Variants in COL6A6 observed in about 807,000 individuals in gnomAD.
COL6A6 encodes collagen type VI alpha 6 chain, also known as collagen alpha-6(VI) chain.
A neutral mutation model predicts 208.6 loss-of-function variants in COL6A6; 183 were observed. The observed-to-expected ratio is 0.88, with a 90% CI of 0.78 to 0.99. The LOEUF is 0.99. Among genes scored for constraint, COL6A6 ranks in the 50% least tolerant of loss-of-function variants. The pLI, the probability that COL6A6 is intolerant of heterozygous loss-of-function variation, is 0.00. For missense variants in COL6A6, 2,816 were observed against 2,815.2 expected, an observed-to-expected ratio of 1.00 and a Z score of -0.01; for synonymous variants, 973 against 1,011.8, an observed-to-expected ratio of 0.96 and a Z score of 0.73.
rs537199703 is a variant in COL6A6 at position 130,517,677 on chromosome 3, G to A, written c.-32+280G>A. 2.0e-5 allele frequency among the ~76,000 whole-genome samples: 3 copies of A among 152,314 alleles called. No homozygotes were observed. In the East Asian group the frequency reaches 5.8e-4, roughly 29 times the overall value. On this transcript the variant is annotated intron_variant, in intron 1 of 36. Transcript: ENST00000358511. ...CTTGTCATTCTCTGCTCCCATCTCC[G>A]CGTCTCCCACCGCGCACCAGGGCGC...
chr3:130,586,731 T>A, intron 11 of COL6A6, 71 bp downstream of exon 11: 1 of 1,415,484 alleles, frequency 7.1e-7, no homozygotes, highest in Non-Finnish European at 9.5e-7. Context: ...ATACTTATGC[T>A]TAAGAATTTG....
chr3:130,617,131 T>C (rs1280946106), intron 23 of COL6A6, among the ~76,000 whole-genome samples: 1 of 152,202 alleles, frequency 6.6e-6, no homozygotes, highest in Admixed American at 6.5e-5. Flanking sequence ...TTCATCATTC[T>C]GTATAAGCTA....
At chr3:130,599,675 C>A in intron 19 of COL6A6, 82 bp from the exon 20 acceptor site, 1 of 1,415,204 alleles carries the variant, frequency 7.1e-7, no homozygotes, top group Non-Finnish European at 9.9e-7. Context: ...ATCTATCCTC[C>A]CTGGAGTAAA....
chr3:130,574,272 A>T lies in COL6A6; in HGVS notation c.3294A>T (p.Ile1098=). Residue 1098 remains isoleucine (I), a synonymous_variant, in exon 8 of 37, where the codon ATA becomes ATT. Transcript: ENST00000358511. Reference sequence around the variant, plus strand: ...TCAGGCCAGACATGGGCAGCAGGATAAATACAGGTACCCCACAGGTGCTGC... The same window carrying T: ...TCAGGCCAGACATGGGCAGCAGGATTAATACAGGTACCCCACAGGTGCTGC... ...HYFRPDMGSR[I]NTGTPQVLLV... is the part of the protein sequence containing the mutation. The T allele has an allele frequency of 6.2e-7, 1 of 1,614,018 alleles. No individual in the cohort carries two copies. The highest frequency in any genetic ancestry group is 1.3e-5 in the African/African-American group (1 of 75,072).
At chr3:130,595,304 A>T (rs1220176344) in intron 18 of COL6A6, among the ~76,000 whole-genome samples, 1 of 152,224 alleles carries the variant, frequency 6.6e-6, no homozygotes, top group Non-Finnish European at 1.5e-5. Context: ...TTAATGAATT[A>T]AGATTTAGCT....
intron 13 of COL6A6, among the ~76,000 whole-genome samples, 157 bp downstream of exon 13, chr3:130,591,251 G>A (rs1011279789): frequency 2.6e-5 from 4 of 152,166 alleles, no homozygotes; most frequent in African/African-American, 9.7e-5. Context: ...CTTTGCTTCT[G>A]GTGGTCATTA....
chr3:130,676,794 C>T lies in COL6A6; in HGVS notation c.*1397C>T, dbSNP rs1237758974. On this transcript the variant is annotated 3_prime_UTR_variant, in exon 37 of 37. Transcript: ENST00000358511. ...AGGAGTTAAATGTCACATTCATACT[C>T]AGGTAATAGAGAAGAATAAAACACA... 2 of 152,198 alleles carry T rather than the reference C, an allele frequency of 1.3e-5. No individual in the cohort carries two copies. The highest frequency in any genetic ancestry group is 4.8e-5 in the African/African-American group (2 of 41,462). The allele number at this position is 152,198 out of a possible 1,614,324, so 9.4% of individuals were successfully genotyped here. A position where few individuals can be genotyped will look rare whatever the true frequency, so the allele number is the denominator to read the frequency against.
At chr3:130,570,202 T>C (rs2063126904) in intron 6 of COL6A6, among the ~76,000 whole-genome samples, 1 of 152,228 alleles carries the variant, frequency 6.6e-6, no homozygotes, top group Admixed American at 6.5e-5. Context: ...AATAGCATCA[T>C]GCTAGAACAG....
rs2062993465 is a variant in COL6A6 at position 130,565,390 on chromosome 3, T to C, written c.1058T>C (p.Val353Ala). ...DSEDNVTKAA[V>A]NLRREGVTIF... ...GAAGACAACGTGACAAAAGCAGCTG[T>C]TAACCTCCGACGGGAGGGTGTGACC... Residue 353 changes from valine to alanine, a missense_variant, in exon 4 of 37, where the codon GTT becomes GCT. By Grantham distance (64) the Val-to-Ala change is moderately conservative (BLOSUM62 0). Coordinates refer to ENST00000358511, the MANE Select transcript of COL6A6 (RefSeq NM_001102608.3). The C allele has an allele frequency of 1.2e-6, 2 of 1,613,284 alleles. No homozygotes were observed. The highest frequency in any genetic ancestry group is 4.5e-5 in the East Asian group (2 of 44,816).
chr3:130,550,083 A>G (rs1455135383), intron 1 of COL6A6, among the ~76,000 whole-genome samples: 1 of 151,954 alleles, frequency 6.6e-6, no homozygotes. Flanking sequence ...GAGTGGGATC[A>G]TGTTCTTGAT....
At chr3:130,590,140 G>T (rs2063638612) in intron 12 of COL6A6, 1 of 295,188 alleles carries the variant, frequency 3.4e-6, no homozygotes, top group Non-Finnish European at 6.7e-6. Context: ...GTGTTGACTT[G>T]AATGTTTAGA....
intron 17 of COL6A6, 25 bp downstream of exon 17, chr3:130,593,277 TA>T: frequency 1.9e-6 from 3 of 1,573,742 alleles, no homozygotes; most frequent in Non-Finnish European, 2.6e-6. Context: ...AGGAAGAACA[TA>T]AAAATTGTAC....
In COL6A6 at chr3:130,594,316, TG is replaced by T. The variant is rs1402770229; in HGVS notation, c.4508del (p.Gly1503GlufsTer18). The T allele has an allele frequency of 9.3e-6, 15 of 1,613,424 alleles. No individual in the cohort carries two copies. In the East Asian group the frequency reaches 3.3e-4, roughly 36 times the overall value. On this transcript the variant is annotated frameshift_variant, in exon 18 of 37. Transcript: ENST00000358511. LOFTEE classifies it high-confidence loss of function. ...PGKRGTPGDRGAKGLRGDPGA... is the reference protein window; with the variant it reads ...PGKRGTPGDRXAKGLRGDPGA... Reference sequence around the variant, plus strand: ...GGAAGAGAGGGACTCCTGGTGACCGTGGAGCAAAGGGCCTGCGAGGGGATCC... The same window carrying T: ...GGAAGAGAGGGACTCCTGGTGACCGTGAGCAAAGGGCCTGCGAGGGGATCC...
intron 26 of COL6A6, 62 bp downstream of exon 26, chr3:130,627,431 G>A: frequency 6.7e-7 from 1 of 1,481,792 alleles, no homozygotes; most frequent in South Asian, 1.1e-5. Context: ...GGTTTTGTTT[G>A]CCACATTTAA....
At chr3:130,553,075 AT>A (rs1356526509) in intron 1 of COL6A6, among the ~76,000 whole-genome samples, 4 of 151,336 alleles carry the variant, frequency 2.6e-5, no homozygotes, top group Admixed American at 6.6e-5. Flanking sequence ...TGCCTTTAAC[AT>A]TTTTTTTCTT....
Position 130,610,727 on chromosome 3 carries a change from A to T in COL6A6, c.4815+16A>T, listed in dbSNP as rs781398892. ...AGGTCCCCAGGTATGTAATGAGAAA[A>T]ATGATTGCATCTGACTTTGATCTTG... On this transcript the variant is annotated intron_variant, in intron 23 of 36. Coordinates refer to ENST00000358511, the MANE Select transcript of COL6A6 (RefSeq NM_001102608.3). 6.4e-7 allele frequency: 1 copy of T among 1,552,014 alleles called. No individual in the cohort carries two copies. The highest frequency in any genetic ancestry group is 8.8e-7 in the Non-Finnish European group (1 of 1,140,854).
chr3:130,587,890 G>T (rs932653320), intron 11 of COL6A6, among the ~76,000 whole-genome samples: 3 of 152,144 alleles, frequency 2.0e-5, no homozygotes, highest in Admixed American at 6.6e-5. Flanking sequence ...GTCGACTACT[G>T]TTTGAAATCT....
chr3:130,567,373 G>C, intron 5 of COL6A6, 111 bp downstream of exon 5: 2 of 823,636 alleles, frequency 2.4e-6, no homozygotes, highest in Non-Finnish European at 3.8e-6. Context: ...GTTGAGATTT[G>C]TTAACTTGTG....
Position 130,665,033 on chromosome 3 carries a change from T to A in COL6A6, c.6533T>A (p.Leu2178Ter). 3 of 1,608,294 alleles carry A rather than the reference T, an allele frequency of 1.9e-6. No homozygotes were observed. The highest frequency in any genetic ancestry group is 2.5e-6 in the Non-Finnish European group (3 of 1,177,222). ...ATCAACAAATATCCACCAATAAACTTAAAAATAAAGTGCAACAGACTTAAC... is the reference window on the plus strand; with the variant it reads ...ATCAACAAATATCCACCAATAAACTAAAAAATAAAGTGCAACAGACTTAAC... ...RAINKYPPIN[L>*]KIKCNRLNSI... Residue 2178 changes from leucine (L) to a stop codon, truncating the protein, a stop_gained, in exon 36 of 37, where the codon TTA (leucine) becomes TAA (stop). Transcript: ENST00000358511. LOFTEE classifies it high-confidence loss of function.
Sources: gnomAD v4.1 joint callset for allele counts (sites outside exome capture counted in the v4.1 genomes callset) on GRCh38, gnomAD v4.1.1 for gene constraint, MANE v1.5 for transcripts, NCBI Gene and HGNC (gene_info 2026-07-23, HGNC 2026-07-21) for gene names.